The following COL11A1 variants were observed in gnomAD, a reference collection of about 807,000 sequenced individuals.
The protein encoded by COL11A1 is collagen alpha-1(XI) chain.
In COL11A1, 74 loss-of-function variants were observed where a neutral mutation model predicts 265.2. That is an observed-to-expected ratio of 0.28 (90% CI 0.23 to 0.34). The LOEUF (loss-of-function observed/expected upper bound fraction) is 0.34, where lower values mean the gene tolerates loss of function less well. Among genes scored for constraint, COL11A1 ranks in the 10% least tolerant of loss-of-function variants. The pLI is 1.00. For missense variants in COL11A1, 2,165 were observed against 2,263.6 expected, an observed-to-expected ratio of 0.96 and a Z score of 0.88; for synonymous variants, 816 against 727.6, an observed-to-expected ratio of 1.12 and a Z score of -1.96.
intron 1 of COL11A1, among the ~76,000 whole-genome samples, chr1:103,092,068 A>G (rs1281378815): frequency 1.4e-4 from 22 of 152,242 alleles, no homozygotes; most frequent in East Asian, 1.9e-4. Flanking sequence ...ATAAAAATAC[A>G]TAGTAAAATA....
chr1:102,883,283 A>G lies in COL11A1; in HGVS notation c.4887T>C (p.Gly1629=). The change falls in exon 64 of 67, where the codon GGT becomes GGC. Residue 1629 remains glycine, a synonymous_variant. Coordinates refer to ENST00000370096, the MANE Select transcript of COL11A1 (RefSeq NM_001854.4). ...AAACTTTGAAGGAATCTCCTGAGCA[A>G]CCTTGGTTAGGATCAATCCAATATT... ...DGEYWIDPNQ[G]CSGDSFKVYC... 6.2e-7 allele frequency: 1 copy of G among 1,613,430 alleles called. No homozygotes were observed. The highest frequency in any genetic ancestry group is 8.5e-7 in the Non-Finnish European group (1 of 1,179,542).
chr1:103,016,293 TA>T (rs1236913487), intron 11 of COL11A1, among the ~76,000 whole-genome samples: 1 of 151,984 alleles, frequency 6.6e-6, no homozygotes, highest in African/African-American at 2.4e-5. Flanking sequence ...ATGTTAATGT[TA>T]ATCATAATCA....
chr1:103,029,319 C>T (rs1204905684), intron 5 of COL11A1, among the ~76,000 whole-genome samples: 1 of 151,920 alleles, frequency 6.6e-6, no homozygotes, highest in East Asian at 1.9e-4. Flanking sequence ...ACTTTATGTT[C>T]TTTATTCATT....
chr1:103,021,893 G>A, intron 8 of COL11A1, 124 bp from the exon 9 acceptor site: 1 of 750,602 alleles, frequency 1.3e-6, no homozygotes, highest in South Asian at 1.6e-5. Flanking sequence ...TGTTGCCCAG[G>A]TTAGAGTGCA....
intron 4 of COL11A1, among the ~76,000 whole-genome samples, chr1:103,046,941 C>T (rs1051815906): frequency 3.3e-5 from 5 of 152,082 alleles, no homozygotes; most frequent in African/African-American, 1.2e-4. Context: ...TTTCTGAGGG[C>T]TCTGTTCTGT....
intron 64 of COL11A1, 113 bp downstream of exon 64, chr1:102,883,085 TG>T: frequency 2.6e-6 from 2 of 765,834 alleles, no homozygotes; most frequent in Non-Finnish European, 4.7e-6. Context: ...CTAATTATTT[TG>T]TAAGAAAAGC....
intron 60 of COL11A1, 48 bp downstream of exon 60, chr1:102,888,818 A>G (rs1307926293): frequency 3.1e-6 from 5 of 1,612,684 alleles, no homozygotes; most frequent in Non-Finnish European, 8.5e-7. Flanking sequence ...TCTCTGTTAT[A>G]TTTGTAACTT....
At chr1:102,915,531 A>G in intron 50 of COL11A1, 100 bp downstream of exon 50, 3 of 1,041,042 alleles carry the variant, frequency 2.9e-6, no homozygotes, top group Non-Finnish European at 3.0e-6. Context: ...AAGGGAAAGT[A>G]AAATTCGAAC....
At chr1:103,094,750 A>G (rs892697433) in intron 1 of COL11A1, among the ~76,000 whole-genome samples, 3 of 152,130 alleles carry the variant, frequency 2.0e-5, no homozygotes, top group African/African-American at 7.2e-5. Context: ...TAAAATATAT[A>G]TAACATACAA....
At chr1:103,061,174 T>C (rs1670646522) in intron 4 of COL11A1, among the ~76,000 whole-genome samples, 1 of 152,080 alleles carries the variant, frequency 6.6e-6, no homozygotes, top group Admixed American at 6.6e-5. Flanking sequence ...AGGCATTACA[T>C]GATAATAAGG....
At chr1:102,996,980 A>T (rs1342723749) in intron 26 of COL11A1, 100 bp downstream of exon 26, 1 of 962,952 alleles carries the variant, frequency 1.0e-6, no homozygotes, top group East Asian at 2.4e-5. Context: ...ACCCAAAATA[A>T]CTATATGAAC....
At chr1:103,025,445 C>T in intron 7 of COL11A1, 76 bp downstream of exon 7, 3 of 1,014,210 alleles carry the variant, frequency 3.0e-6, no homozygotes, top group Non-Finnish European at 4.7e-6. Context: ...ATAGATTCTT[C>T]CAGAGTGAAG....
chr1:103,030,263 G>A (rs900821544), intron 5 of COL11A1, among the ~76,000 whole-genome samples: 4 of 151,916 alleles, frequency 2.6e-5, no homozygotes, highest in African/African-American at 9.7e-5. Flanking sequence ...CTAACATTAA[G>A]TCATGGAAAA....
chr1:103,037,591 C>T (rs1668478018), intron 4 of COL11A1, among the ~76,000 whole-genome samples: 1 of 151,860 alleles, frequency 6.6e-6, no homozygotes, highest in Non-Finnish European at 1.5e-5. Flanking sequence ...AATAGGATCA[C>T]AAAAAAGGCA....
In COL11A1 at chr1:103,002,445, C is replaced by T. The variant is rs1282726061; in HGVS notation, c.2080G>A (p.Gly694Arg). 6.2e-7 allele frequency: 1 copy of T among 1,609,804 alleles called. No homozygotes were observed. The highest frequency in any genetic ancestry group is 8.5e-7 in the Non-Finnish European group (1 of 1,178,220). ...QGEPGPPGQQ[G>R]NPGPQGLPGP... The stretch of plus-strand genomic sequence containing the variant: ...AGACTTACCTGAGGTCCTGGATTCC[C>T]TTGTTGACCTGGAGGCCCAGGCTCC... The change falls in exon 23 of 67, where the codon GGG (glycine) becomes AGG (arginine). Residue 694 changes from glycine (G) to arginine (R), a missense_variant. Transcript: ENST00000370096.
intron 42 of COL11A1, among the ~76,000 whole-genome samples, chr1:102,942,713 A>G (rs12045404): frequency 0.51 from 78,138 of 151,786 alleles, 21,635 homozygotes; most frequent in East Asian, 0.86. Context: ...CCTTCCTCAA[A>G]AGCTCATTTG....
intron 41 of COL11A1, among the ~76,000 whole-genome samples, chr1:102,949,369 T>C (rs1659642061): frequency 6.6e-6 from 1 of 151,916 alleles, no homozygotes; most frequent in Admixed American, 6.5e-5. Flanking sequence ...TTATTTGTAA[T>C]TGGCTATACA....
intron 46 of COL11A1, among the ~76,000 whole-genome samples, chr1:102,924,384 T>C (rs1167594195): frequency 6.6e-6 from 1 of 152,238 alleles, no homozygotes; most frequent in Non-Finnish European, 1.5e-5. Context: ...AGTTCTTGAC[T>C]ACTTATTTGA....
intron 48 of COL11A1, 95 bp downstream of exon 48, chr1:102,921,423 G>C: frequency 9.8e-7 from 1 of 1,020,094 alleles, no homozygotes; most frequent in Non-Finnish European, 1.5e-6. Flanking sequence ...TTAAACAATA[G>C]TTTAATATTG....
Sources: allele counts gnomAD v4.1 joint callset (sites outside exome capture counted in the v4.1 genomes callset), GRCh38; gene constraint gnomAD v4.1.1; transcripts MANE v1.5; gene names NCBI Gene and HGNC (gene_info 2026-07-23, HGNC 2026-07-21).